Variants in INHBB observed in about 807,000 individuals in gnomAD.
INHBB encodes the protein inhibin subunit beta B.
A neutral mutation model predicts 28.9 loss-of-function variants in INHBB; 8 were observed. The observed-to-expected ratio is 0.28, with a 90% confidence interval of 0.16 to 0.50. The LOEUF (loss-of-function observed/expected upper bound fraction) is 0.50, where lower values mean the gene tolerates loss of function less well. INHBB is among the 20% of genes least tolerant of loss of function. The pLI is 0.98. For missense variants in INHBB, 499 were observed against 597.8 expected, an observed-to-expected ratio of 0.83 and a Z score of 1.72; for synonymous variants, 293 against 262.7, an observed-to-expected ratio of 1.12 and a Z score of -1.12.
At position 120,349,397 on chromosome 2, in the gene INHBB, C is replaced by A. The variant is rs143435725; in HGVS notation, c.747C>A (p.Asp249Glu). Residue 249 changes from aspartate (D) to glutamate (E), a missense_variant, in exon 2 of 2, where the codon GAC becomes GAA. This residue lies in a region of INHBB where 385 missense variants were observed against 415.2 expected (regional missense o/e 0.93). Coordinates refer to ENST00000295228, the MANE Select transcript of INHBB (RefSeq NM_002193.4). The surrounding 1 kb of genome is among the most constrained non-coding windows in gnomAD (Gnocchi z 5.6). The stretch of plus-strand genomic sequence containing the variant: ...GGGGCGAGCGGCGACTCAACCTAGA[C>A]GTGCAGTGTGACAGCTGCCAGGAGC... ...FERGERRLNL[D>E]VQCDSCQELA... 1.2e-6 allele frequency: 2 copies of A among 1,613,804 alleles called. No individual in the cohort carries two copies. The highest frequency in any genetic ancestry group is 1.7e-6 in the Non-Finnish European group (2 of 1,180,048).
Position 120,346,315 on chromosome 2 carries a change from C to G in INHBB, c.127C>G (p.Pro43Ala). ...PPTPAAPPPP[P>A]PPGSPGGSQD... ...GACGCCTGCCGCGCCGCCGCCACCC[C>G]CGCCACCCGGATCCCCGGGTGGCTC... The change falls in exon 1 of 2, where the codon CCG becomes GCG. Residue 43 changes from proline to alanine, a missense_variant. Transcript: ENST00000295228. The G allele has an allele frequency of 6.5e-6, 9 of 1,385,224 alleles. No individual in the cohort carries two copies. The highest frequency in any genetic ancestry group is 6.5e-6 in the Non-Finnish European group (7 of 1,076,786). The allele number at this position is 1,385,224 out of a possible 1,614,324, so 85.8% of individuals were successfully genotyped here. A position where few individuals can be genotyped will look rare whatever the true frequency, so the allele number is the denominator to read the frequency against.
intron 1 of INHBB, among the ~76,000 whole-genome samples, chr2:120,347,586 G>GC (rs1691182059): frequency 1.3e-5 from 2 of 152,216 alleles, no homozygotes; most frequent in African/African-American, 4.8e-5. Context: ...CTGGAGCTCG[G>GC]CCCCATTTGT....
chr2:120,348,477 A>G (rs1285836390), intron 1 of INHBB, among the ~76,000 whole-genome samples: 5 of 151,910 alleles, frequency 3.3e-5, no homozygotes, highest in Admixed American at 6.6e-5. Context: ...CCTTGAAACT[A>G]TTCTATAAGG....
chr2:120,349,731 CG>C lies in INHBB; in HGVS notation c.1085del (p.Gly362ValfsTer2). The C allele has an allele frequency of 6.2e-7, 1 of 1,613,746 alleles. No homozygotes were observed. Among genetic ancestry groups the C allele is most frequent in the Non-Finnish European group, 8.5e-7 (1 of 1,180,038 alleles). On this transcript the variant is annotated frameshift_variant, in exon 2 of 2. Transcript: ENST00000295228. LOFTEE classifies it high-confidence loss of function. This position sits in a 1 kb window ranked among gnomAD's most constrained non-coding sequence, Gnocchi z 5.6. ...HTAVVNQYRMRGLNPGTVNSC... is the reference protein window; with the variant it reads ...HTAVVNQYRMXGLNPGTVNSC... ...GGCTGTGGTGAACCAGTACCGCATG[CG>C]GGGTCTGAACCCCGGCACGGTGAAC...
intron 1 of INHBB, among the ~76,000 whole-genome samples, chr2:120,348,252 A>G (rs1184765630): frequency 1.3e-5 from 2 of 151,164 alleles, no homozygotes; most frequent in African/African-American, 2.4e-5. Context: ...AAAGGAAAGA[A>G]AAACGTAGAT....
At position 120,349,904 on chromosome 2, in the gene INHBB, C is replaced by T. The variant is rs745596324; in HGVS notation, c.*30C>T. 3 of 1,583,814 alleles carry T rather than the reference C, an allele frequency of 1.9e-6. No homozygotes were observed. In the East Asian group the frequency reaches 6.8e-5, roughly 36 times the overall value. ...GCAAGGCAGGGGCACGGTGGTGGGG[C>T]ACGGAGGGCAGTCCCGGGTGGGCTT... On this transcript the variant is annotated 3_prime_UTR_variant, in exon 2 of 2. Coordinates refer to ENST00000295228, the MANE Select transcript of INHBB (RefSeq NM_002193.4). The surrounding 1 kb of genome is among the most constrained non-coding windows in gnomAD (Gnocchi z 5.6).
chr2:120,346,686 C>G, intron 1 of INHBB, 50 bp downstream of exon 1: 1 of 1,372,888 alleles, frequency 7.3e-7, no homozygotes, highest in Non-Finnish European at 9.4e-7. Context: ...CGCTCCCGCT[C>G]TCCCTCTCCT....
chr2:120,349,496 G>A lies in INHBB; in HGVS notation c.846G>A (p.Leu282=). Residue 282 remains leucine, a synonymous_variant, in exon 2 of 2, where the codon CTG becomes CTA. Transcript: ENST00000295228. This position sits in a 1 kb window ranked among gnomAD's most constrained non-coding sequence, Gnocchi z 5.6. ...CCTTTGTGGTGGTGCAGGCTCGGCT[G>A]GGCGACAGCAGGCACCGCATTCGCA... ...HRPFVVVQAR[L]GDSRHRIRKR... is the part of the protein sequence containing the mutation. 14 of 1,613,492 alleles carry A rather than the reference G, an allele frequency of 8.7e-6. No individual in the cohort carries two copies. Among genetic ancestry groups the A allele is most frequent in the Non-Finnish European group, 1.2e-5 (14 of 1,179,954 alleles).
Position 120,349,990 on chromosome 2 carries a change from TG to T in INHBB, c.*117del. Reference sequence around the variant, plus strand: ...GCTGAGTACAGTCATTCTGTTGGGCTGTGGAGATAGTGCCAGGGTGCGGCCT... The same window carrying T: ...GCTGAGTACAGTCATTCTGTTGGGCTTGGAGATAGTGCCAGGGTGCGGCCT... On this transcript the variant is annotated 3_prime_UTR_variant, in exon 2 of 2. Transcript: ENST00000295228. The surrounding 1 kb of genome is among the most constrained non-coding windows in gnomAD (Gnocchi z 5.6). 2.9e-6 allele frequency: 3 copies of T among 1,046,628 alleles called. No homozygotes were observed. In the South Asian group the frequency reaches 4.9e-5, roughly 17 times the overall value. 64.8% of individuals were successfully genotyped at this position (1,046,628 alleles called of 1,614,324 possible).
chr2:120,351,414 AG>A lies in INHBB; in HGVS notation c.*1541del, dbSNP rs1189610149. On this transcript the variant is annotated 3_prime_UTR_variant, in exon 2 of 2. Coordinates refer to ENST00000295228, the MANE Select transcript of INHBB (RefSeq NM_002193.4). ...TTATAGCAGCAAAAAAAAAAAAAAA[AG>A]AATACAGTTAAATGTATTATACATA... 2 of 150,554 alleles carry A rather than the reference AG, an allele frequency of 1.3e-5. No homozygotes were observed. Among genetic ancestry groups the A allele is most frequent in the Non-Finnish European group, 2.9e-5 (2 of 67,830 alleles). The allele number at this position is 150,554 out of a possible 1,614,324, so 9.3% of individuals were successfully genotyped here.
chr2:120,346,910 C>A (rs1380858990), intron 1 of INHBB, among the ~76,000 whole-genome samples: 1 of 152,366 alleles, frequency 6.6e-6, no homozygotes, highest in East Asian at 1.9e-4. Flanking sequence ...CCCAGCGCCT[C>A]TGGGCGCGCG....
intron 1 of INHBB, among the ~76,000 whole-genome samples, chr2:120,348,526 C>T (rs1405108177): frequency 6.6e-6 from 1 of 152,050 alleles, no homozygotes; most frequent in African/African-American, 2.4e-5. Flanking sequence ...GTTCCTATGT[C>T]AGAAACCTGA....
rs779398997 is a variant in INHBB, at chr2:120,349,835, C to T, written c.1185C>T (p.Asp395=). The change falls in exon 2 of 2, where the codon GAC becomes GAT. Residue 395 remains aspartate (D), a synonymous_variant. Transcript: ENST00000295228. The surrounding 1 kb of genome is among the most constrained non-coding windows in gnomAD (Gnocchi z 5.6). The part of the protein sequence containing the change: ...FDDEYNIVKR[D]VPNMIVEECG... ...ATGAGTACAACATCGTCAAGCGGGA[C>T]GTGCCCAACATGATTGTGGAGGAGT... The T allele has an allele frequency of 5.5e-5, 89 of 1,612,760 alleles. No homozygotes were observed. Among genetic ancestry groups the T allele is most frequent in the Non-Finnish European group, 6.9e-5 (81 of 1,179,850 alleles).
intron 1 of INHBB, among the ~76,000 whole-genome samples, chr2:120,348,898 T>C (rs1306426800): frequency 6.6e-6 from 1 of 150,944 alleles, no homozygotes; most frequent in Non-Finnish European, 1.5e-5. Context: ...CTGGTCCGGG[T>C]TTCTCAATGA....
chr2:120,347,060 C>T (rs934461575), intron 1 of INHBB, among the ~76,000 whole-genome samples: 10 of 152,114 alleles, frequency 6.6e-5, no homozygotes, highest in Admixed American at 6.5e-5. Context: ...ATACGTGGGC[C>T]GGAGGAGAGA....
At position 120,349,318 on chromosome 2, in the gene INHBB, G is replaced by T. The variant is rs755558554; in HGVS notation, c.668G>T (p.Arg223Leu). ...GTGGAGAAGAGGGTGGACCTCAAGC[G>T]CAGCGGCTGGCATACCTTCCCACTC... ...NMVEKRVDLK[R>L]SGWHTFPLTE... Residue 223 changes from arginine (R) to leucine (L), a missense_variant, in exon 2 of 2, where the codon CGC (arginine) becomes CTC (leucine). Physicochemically the swap from Arg to Leu is moderately radical, Grantham distance 102. Transcript: ENST00000295228. This position sits in a 1 kb window ranked among gnomAD's most constrained non-coding sequence, Gnocchi z 5.6. 3 of 1,614,130 alleles carry T rather than the reference G, an allele frequency of 1.9e-6. No individual in the cohort carries two copies. The highest frequency in any genetic ancestry group is 2.2e-5 in the East Asian group (1 of 44,874).
At chr2:120,347,183 C>T (rs1408934414) in intron 1 of INHBB, among the ~76,000 whole-genome samples, 1 of 152,152 alleles carries the variant, frequency 6.6e-6, no homozygotes, top group Non-Finnish European at 1.5e-5. Context: ...GCTGAAGCCT[C>T]GCTGGGGAGA....
chr2:120,347,087 C>CTG (rs1411975852), intron 1 of INHBB, among the ~76,000 whole-genome samples: 2 of 152,044 alleles, frequency 1.3e-5, no homozygotes, highest in East Asian at 1.9e-4. Context: ...GTGTGTGTAT[C>CTG]TGTGTGTGTG....
rs1377657892 is a variant in INHBB at position 120,346,332 on chromosome 2, G to A, written c.144G>A (p.Pro48=). ...CGCCACCCCCGCCACCCGGATCCCCGGGTGGCTCGCAGGACACCTGTACGT... is the reference window on the plus strand; with the variant it reads ...CGCCACCCCCGCCACCCGGATCCCCAGGTGGCTCGCAGGACACCTGTACGT... ...APPPPPPPGS[P]GGSQDTCTSC... is the part of the protein sequence containing the mutation. Residue 48 remains proline, a synonymous_variant, in exon 1 of 2, where the codon CCG becomes CCA. Transcript: ENST00000295228. 1.5e-6 allele frequency: 2 copies of A among 1,355,386 alleles called. No homozygotes were observed. The highest frequency in any genetic ancestry group is 1.9e-6 in the Non-Finnish European group (2 of 1,056,434). 84.0% of individuals were successfully genotyped at this position (1,355,386 alleles called of 1,614,324 possible).
Sources: allele counts gnomAD v4.1 joint callset (sites outside exome capture counted in the v4.1 genomes callset), GRCh38; gene constraint gnomAD v4.1.1; regional missense constraint gnomAD v4.1.1; non-coding constraint Gnocchi (gnomAD v3.1); transcripts MANE v1.5; gene names NCBI Gene and HGNC (gene_info 2026-07-23, HGNC 2026-07-21).